Variants in C2CD2L observed in about 807,000 individuals in gnomAD.
C2CD2L encodes the protein phospholipid transfer protein C2CD2L.
In C2CD2L, 24 loss-of-function variants were observed where a neutral mutation model predicts 69.9. That is an observed-to-expected ratio of 0.34 (90% confidence interval 0.25 to 0.48). C2CD2L has a LOEUF of 0.48. C2CD2L is among the 20% of genes least tolerant of loss of function. The pLI is 0.99. For missense variants in C2CD2L, 811 were observed against 941.5 expected, an observed-to-expected ratio of 0.86 and a Z score of 1.81; for synonymous variants, 367 against 391.0, an observed-to-expected ratio of 0.94 and a Z score of 0.72.
intron 1 of C2CD2L, chr11:119,108,372 G>A (rs1167704961): frequency 7.9e-6 from 3 of 377,842 alleles, no homozygotes; most frequent in East Asian, 4.4e-5. Context: ...CTGTGCCTGA[G>A]GGCACTTCCG....
rs1295278622 is a variant in C2CD2L at position 119,116,303 on chromosome 11, C to T, written c.*47C>T. ...CGAGTTCTCTCAGCCCATTCCCCAC[C>T]TCCCCTTCCATACCCCTTCCTGGAT... On this transcript the variant is annotated 3_prime_UTR_variant, in exon 14 of 14. Transcript: ENST00000648610. 5 of 1,454,618 alleles carry T rather than the reference C, an allele frequency of 3.4e-6. No individual in the cohort carries two copies. Among genetic ancestry groups the T allele is most frequent in the African/African-American group, 1.4e-5 (1 of 71,880 alleles). The allele number at this position is 1,454,618 out of a possible 1,614,324, so 90.1% of individuals were successfully genotyped here.
upstream of C2CD2L, among the ~76,000 whole-genome samples, chr11:119,104,835 TG>T (rs1485100555): frequency 6.6e-6 from 1 of 152,232 alleles, no homozygotes; most frequent in African/African-American, 2.4e-5. Flanking sequence ...GAGACCCCTC[TG>T]GATAGTCTGG....
chr11:119,113,758 C>A (rs995366438), intron 11 of C2CD2L, 46 bp downstream of exon 11: 2 of 1,612,760 alleles, frequency 1.2e-6, no homozygotes, highest in Admixed American at 3.3e-5. Flanking sequence ...CCCTGGTGCC[C>A]CAGCATCAAA....
Position 119,108,082 on chromosome 11 carries a change from C to G in C2CD2L, c.341C>G (p.Ala114Gly). 2 of 1,594,426 alleles carry G rather than the reference C, an allele frequency of 1.3e-6. No individual in the cohort carries two copies. Among genetic ancestry groups the G allele is most frequent in the Non-Finnish European group, 1.7e-6 (2 of 1,171,766 alleles). Residue 114 changes from alanine to glycine, a missense_variant, in exon 1 of 14, where the codon GCC becomes GGC. Physicochemically the swap from Ala to Gly is moderately conservative, Grantham distance 60. Coordinates refer to ENST00000648610, the MANE Select transcript of C2CD2L (RefSeq NM_001290474.2). ...TGGGTGCGAGCGCTGAACGAGCAGG[C>G]CTGCAGAAACGGGGTGAGTTGGACC... ...RAWVRALNEQ[A>G]CRNGSSIQIA...
upstream of C2CD2L, chr11:119,102,277 A>T (rs538514790): frequency 1.3e-5 from 6 of 474,830 alleles, no homozygotes; most frequent in African/African-American, 1.0e-4. Flanking sequence ...CTCCAGGAAG[A>T]TGGCTATTGA....
At chr11:119,115,054 A>C (rs962219341) in intron 13 of C2CD2L, 3 of 152,680 alleles carry the variant, frequency 2.0e-5, no homozygotes, top group African/African-American at 7.2e-5. Context: ...CAGGAGTTCA[A>C]GACCAGCCTG....
At chr11:119,113,504 C>T in intron 10 of C2CD2L, 107 bp from the exon 11 acceptor site, 2 of 1,469,162 alleles carry the variant, frequency 1.4e-6, no homozygotes, top group Non-Finnish European at 1.8e-6. Context: ...ACCCTTTAAT[C>T]ATTCTTGCCC....
In C2CD2L at chr11:119,107,488, CG is replaced by C. The variant is rs1946615588; in HGVS notation, c.-251del. 4 of 346,538 alleles carry C rather than the reference CG, an allele frequency of 1.2e-5. No homozygotes were observed. The East Asian group carries it at 1.7e-4, about 15-fold the overall frequency. The allele number at this position is 346,538 out of a possible 1,614,324, so 21.5% of individuals were successfully genotyped here. A position where few individuals can be genotyped will look rare whatever the true frequency, so the allele number is the denominator to read the frequency against. On this transcript the variant is annotated 5_prime_UTR_variant, in exon 1 of 14. Transcript: ENST00000648610. This position sits in a 1 kb window ranked among gnomAD's most constrained non-coding sequence, Gnocchi z 5.4. ...GAGTCGGGCACTGGCCGGCGACTAA[CG>C]GGTCCGACTGCTGACCAAGCTAGGA... is the stretch of plus-strand genomic sequence containing the variant.
At position 119,113,539 on chromosome 11, in the gene C2CD2L, TCAA is replaced by T. The variant is rs569192668; in HGVS notation, c.1388-68_1388-66del. The T allele has an allele frequency of 4.5e-4, 683 of 1,521,226 alleles. 3 individuals are homozygous for T. In the East Asian group the frequency reaches 5.9e-3, roughly 13 times the overall value. 94.2% of individuals were successfully genotyped at this position (1,521,226 alleles called of 1,614,324 possible). ...CTCTGAGTCACCCAAAGTCTGCATC[TCAA>T]CAAAGACAGTAGGGGTGGGGGCCAC... On this transcript the variant is annotated intron_variant, in intron 10 of 13. Transcript: ENST00000648610.
chr11:119,114,041 C>G lies in C2CD2L; in HGVS notation c.1624-39C>G. 1 of 1,613,244 alleles carries G rather than the reference C, an allele frequency of 6.2e-7. No individual in the cohort carries two copies. Among genetic ancestry groups the G allele is most frequent in the Non-Finnish European group, 8.5e-7 (1 of 1,179,328 alleles). ...GGATGGGGAGAAAGCCCTAATGGGT[C>G]GGTCACTCCTGCCCATTAAAACCCG... On this transcript the variant is annotated intron_variant, in intron 12 of 13. Coordinates refer to ENST00000648610, the MANE Select transcript of C2CD2L (RefSeq NM_001290474.2). This position sits in a 1 kb window ranked among gnomAD's most constrained non-coding sequence, Gnocchi z 5.1.
upstream of C2CD2L, chr11:119,102,350 TGTTGCCAACATA>T: frequency 4.2e-6 from 2 of 471,022 alleles, no homozygotes; most frequent in South Asian, 3.1e-5. Context: ...GCAGGAAACC[TGTTGCCAACATA>T]GTCGGAAGCC....
At chr11:119,106,191 T>G (rs1396336566), upstream of C2CD2L, among the ~76,000 whole-genome samples, 9 of 152,238 alleles carry the variant, frequency 5.9e-5, no homozygotes, top group Admixed American at 5.9e-4. Flanking sequence ...GTTGCTGACC[T>G]GTCAGTTTCT....
At position 119,112,469 on chromosome 11, in the gene C2CD2L, T is replaced by G. The variant is rs1225235479; in HGVS notation, c.1085-13T>G. 1 of 1,613,778 alleles carries G rather than the reference T, an allele frequency of 6.2e-7. No homozygotes were observed. Among genetic ancestry groups the G allele is most frequent in the Admixed American group, 1.7e-5 (1 of 60,000 alleles). On this transcript the variant is annotated splice_polypyrimidine_tract_variant and intron_variant, in intron 8 of 13. Coordinates refer to ENST00000648610, the MANE Select transcript of C2CD2L (RefSeq NM_001290474.2). The stretch of plus-strand genomic sequence containing the variant: ...GCCATGGGCCCAGCTCACAGTGCCA[T>G]CCCTTTCCCCAGCCGAACTCCTAGG...
chr11:119,112,856 C>T lies in C2CD2L; in HGVS notation c.1369C>T (p.Arg457Cys), dbSNP rs374518930. The change falls in exon 10 of 14, where the codon CGT becomes TGT. Residue 457 changes from arginine (R) to cysteine (C), a missense_variant. Arg to Cys is a radical substitution (Grantham distance 180, BLOSUM62 -3). Transcript: ENST00000648610. ...TTVTTVQSRP[R>C]IDGKLDSPSR... Reference sequence around the variant, plus strand: ...AGTCACCACTGTCCAGTCCCGGCCCCGTATAGACGGCAAATTAGGTAAAGA... The same window carrying T: ...AGTCACCACTGTCCAGTCCCGGCCCTGTATAGACGGCAAATTAGGTAAAGA... 2.2e-5 allele frequency: 35 copies of T among 1,613,666 alleles called. No homozygotes were observed. The African/African-American group carries it at 2.3e-4, about 10-fold the overall frequency.
chr11:119,103,981 T>C (rs1202617941), upstream of C2CD2L, among the ~76,000 whole-genome samples: 1 of 152,044 alleles, frequency 6.6e-6, no homozygotes, highest in Non-Finnish European at 1.5e-5. Flanking sequence ...GACATCTGTG[T>C]ACAAGGAAGG....
intron 10 of C2CD2L, 102 bp downstream of exon 10, chr11:119,112,976 CCT>C (rs1407475240): frequency 1.6e-5 from 15 of 921,982 alleles, no homozygotes; most frequent in African/African-American, 3.3e-5. Context: ...TCCAACTCCC[CCT>C]GTTTTCAGAC....
At chr11:119,102,510 C>A, upstream of C2CD2L, 1 of 367,836 alleles carries the variant, frequency 2.7e-6, no homozygotes, top group Middle Eastern at 4.4e-4. Flanking sequence ...TCTCAGCATC[C>A]CACCCACCTT....
In C2CD2L at chr11:119,116,323, C is replaced by G; in HGVS notation, c.*67C>G. 7.6e-7 allele frequency: 1 copy of G among 1,314,274 alleles called. No individual in the cohort carries two copies. The highest frequency in any genetic ancestry group is 1.8e-5 in the Admixed American group (1 of 56,838). 81.4% of individuals were successfully genotyped at this position (1,314,274 alleles called of 1,614,324 possible). On this transcript the variant is annotated 3_prime_UTR_variant, in exon 14 of 14. Transcript: ENST00000648610. The stretch of plus-strand genomic sequence containing the variant: ...CCCACCTCCCCTTCCATACCCCTTC[C>G]TGGATCTCCAGTGCCTGGGCCAGGA...
upstream of C2CD2L, chr11:119,102,362 A>G (rs1946525450): frequency 4.2e-6 from 2 of 470,636 alleles, no homozygotes; most frequent in Non-Finnish European, 8.8e-6. Context: ...TTGCCAACAT[A>G]GTCGGAAGCC....
Sources: allele counts gnomAD v4.1 joint callset (sites outside exome capture counted in the v4.1 genomes callset), GRCh38; gene constraint gnomAD v4.1.1; non-coding constraint Gnocchi (gnomAD v3.1); transcripts MANE v1.5; gene names NCBI Gene and HGNC (gene_info 2026-07-23, HGNC 2026-07-21).